PDE4D: variants seen among roughly 807,000 people sequenced by gnomAD.
PDE4D encodes 3',5'-cyclic-AMP phosphodiesterase 4D.
A neutral mutation model predicts 87.4 loss-of-function variants in PDE4D; 24 were observed. The ratio of observed to expected loss-of-function variants is 0.27; its 90% CI spans 0.20 to 0.39. The LOEUF (loss-of-function observed/expected upper bound fraction) is 0.39, where lower values mean the gene tolerates loss of function less well. Among genes scored for constraint, PDE4D ranks in the 10% least tolerant of loss-of-function variants. The probability of loss-of-function intolerance (pLI) is 1.00; values close to 1 mark genes in which losing one functional copy is unlikely to be tolerated. For synonymous variants in PDE4D, 384 were observed against 383.2 expected (o/e 1.00, Z -0.02); for missense variants, 714 against 1,041.0 (o/e 0.69, Z 4.32).
chr5:60,069,030 T>A lies in PDE4D; in HGVS notation c.43-80313A>T, dbSNP rs1262606921. ...ATTTCAAGTTGATTTTTGCATATGA[T>A]GTAAGACAAGCATCCAGTTTCATTC... On this transcript the variant is annotated intron_variant, in intron 2 of 16. Coordinates refer to the PDE4D transcript ENST00000502484. 2.0e-5 allele frequency among the ~76,000 whole-genome samples: 3 copies of A among 152,206 alleles called. No homozygotes were observed. The East Asian group carries it at 5.8e-4, about 29-fold the overall frequency.
intron 1 of PDE4D, among the ~76,000 whole-genome samples, chr5:59,325,378 T>C (rs1269166234): frequency 6.6e-6 from 1 of 152,196 alleles, no homozygotes; most frequent in Non-Finnish European, 1.5e-5. Flanking sequence ...GAATATCTTG[T>C]TAGAAACAGG....
intron 5 of PDE4D, among the ~76,000 whole-genome samples, chr5:59,159,508 T>C (rs1428704987): frequency 6.6e-6 from 1 of 152,184 alleles, no homozygotes; most frequent in East Asian, 1.9e-4. Flanking sequence ...ATTTTTGTTT[T>C]CTTGAAACCC....
intron 1 of PDE4D, among the ~76,000 whole-genome samples, chr5:59,709,646 G>A (rs1460023315): frequency 6.6e-6 from 1 of 152,158 alleles, no homozygotes; most frequent in Non-Finnish European, 1.5e-5. Flanking sequence ...CAGGGCTCAA[G>A]TGCTCAAGGA....
intron 2 of PDE4D, among the ~76,000 whole-genome samples, chr5:60,179,132 G>A (rs1325830325): frequency 6.6e-6 from 1 of 152,108 alleles, no homozygotes; most frequent in Non-Finnish European, 1.5e-5. Flanking sequence ...CTTATTCTCA[G>A]TTCTTATGCT....
rs571186478 is a variant in PDE4D, at chr5:60,358,389, GCTTTTGGTTCT to G, written c.-90+129542_-90+129552del. ...GCAGTCTTTTTGATCACTGCATTTG[GCTTTTGGTTCT>G]CTTAACCATCTTGGGTAGCTGGCAG... On this transcript the variant is annotated intron_variant, in intron 1 of 16. Transcript: ENST00000502484. Among the ~76,000 whole-genome samples the G allele has an allele frequency of 3.3e-3, 506 of 152,222 alleles. 5 individuals are homozygous for G. The highest frequency in any genetic ancestry group is 0.011 in the African/African-American group (477 of 41,538).
At chr5:60,192,883 A>T (rs148357526) in intron 1 of PDE4D, among the ~76,000 whole-genome samples, 1 of 152,332 alleles carries the variant, frequency 6.6e-6, no homozygotes, top group East Asian at 1.9e-4. Flanking sequence ...ATCTCTTCTT[A>T]CTTCAGAGGA....
chr5:59,514,788 T>C (rs1051295225), intron 1 of PDE4D, among the ~76,000 whole-genome samples: 4 of 152,186 alleles, frequency 2.6e-5, no homozygotes, highest in African/African-American at 9.6e-5. Context: ...TAACAGAGTG[T>C]GTCTCAAAAA....
At chr5:59,315,352 T>G (rs941519379) in intron 1 of PDE4D, among the ~76,000 whole-genome samples, 1 of 152,104 alleles carries the variant, frequency 6.6e-6, no homozygotes, top group African/African-American at 2.4e-5. Flanking sequence ...GTTCTGACAA[T>G]TAGCAAGAGA....
At chr5:59,137,880 T>A (rs769106465) in intron 5 of PDE4D, among the ~76,000 whole-genome samples, 5 of 152,208 alleles carry the variant, frequency 3.3e-5, no homozygotes, top group Non-Finnish European at 1.5e-5. Context: ...AATATGGGAT[T>A]AAAAAATGTA....
At chr5:59,648,535 A>C (rs1253409466) in intron 1 of PDE4D, among the ~76,000 whole-genome samples, 2 of 152,196 alleles carry the variant, frequency 1.3e-5, no homozygotes, top group Non-Finnish European at 2.9e-5. Flanking sequence ...AAAGGTTATG[A>C]AAACACTCTT....
intron 1 of PDE4D, among the ~76,000 whole-genome samples, chr5:59,279,813 TTGTG>T (rs10664902): frequency 4.0e-5 from 6 of 148,362 alleles, no homozygotes; most frequent in East Asian, 2.0e-4. Flanking sequence ...ATGTGTGTGT[TTGTG>T]TGTGTGTGTG....
At chr5:60,065,561 A>G (rs1771959532) in intron 2 of PDE4D, among the ~76,000 whole-genome samples, 1 of 151,910 alleles carries the variant, frequency 6.6e-6, no homozygotes, top group African/African-American at 2.4e-5. Context: ...AGCATTAGGT[A>G]TATCTCCTAA....
intron 1 of PDE4D, among the ~76,000 whole-genome samples, chr5:59,683,009 T>C (rs1749278339): frequency 1.3e-5 from 2 of 152,328 alleles, no homozygotes; most frequent in South Asian, 2.1e-4. Context: ...AGAACATTAT[T>C]GGGACAATTA....
intron 1 of PDE4D, among the ~76,000 whole-genome samples, chr5:59,295,634 A>T (rs1021548485): frequency 2.0e-5 from 3 of 152,114 alleles, no homozygotes; most frequent in Non-Finnish European, 4.4e-5. Context: ...GGAAAAAGGT[A>T]TCACCTTCAG....
At chr5:59,838,115 C>T (rs1473398753) in intron 1 of PDE4D, among the ~76,000 whole-genome samples, 4 of 152,004 alleles carry the variant, frequency 2.6e-5, no homozygotes, top group African/African-American at 4.8e-5. Context: ...TTATAAATAA[C>T]TCAGTGTATA....
At chr5:59,732,342 T>C (rs1238980507) in intron 1 of PDE4D, among the ~76,000 whole-genome samples, 1 of 136,372 alleles carries the variant, frequency 7.3e-6, no homozygotes, top group Non-Finnish European at 1.5e-5. Context: ...AAAGCTATAT[T>C]TTATTATTTT....
intron 1 of PDE4D, among the ~76,000 whole-genome samples, chr5:60,420,840 G>A (rs551123628): frequency 2.8e-4 from 43 of 152,302 alleles, no homozygotes; most frequent in South Asian, 1.0e-3. Flanking sequence ...CAAATACTGC[G>A]CTTTTCCCAC....
chr5:60,061,711 G>C (rs918586416), intron 2 of PDE4D, among the ~76,000 whole-genome samples: 1 of 151,944 alleles, frequency 6.6e-6, no homozygotes, highest in Non-Finnish European at 1.5e-5. Context: ...ACCAAAACAT[G>C]GTACAGGTAT....
chr5:60,517,618 C>T (rs148024497), intron 1 of PDE4D, among the ~76,000 whole-genome samples: 397 of 152,080 alleles, frequency 2.6e-3, no homozygotes, highest in South Asian at 4.0e-3. Context: ...AAGGGATGAC[C>T]TGCCTGCAGA....
Sources: allele counts gnomAD v4.1 joint callset (sites outside exome capture counted in the v4.1 genomes callset), GRCh38; gene constraint gnomAD v4.1.1; transcripts MANE v1.5; gene names NCBI Gene and HGNC (gene_info 2026-07-23, HGNC 2026-07-21).